Variants in ANKRD12 observed in about 807,000 individuals in gnomAD.
The protein encoded by ANKRD12 is ankyrin repeat domain 12.
In ANKRD12, 85 loss-of-function variants were observed where a neutral mutation model predicts 183.4. That is an observed-to-expected ratio of 0.46 (90% CI 0.39 to 0.56). The LOEUF is 0.56. Among genes scored for constraint, ANKRD12 ranks in the 20% least tolerant of loss-of-function variants. The pLI is 0.00. For synonymous variants in ANKRD12, 914 were observed against 800.2 expected, an observed-to-expected ratio of 1.14 and a Z score of -2.40; for missense variants, 2,405 against 2,357.1, an observed-to-expected ratio of 1.02 and a Z score of -0.42.
chr18:9,258,579 T>C lies in ANKRD12; in HGVS notation c.5312T>C (p.Ile1771Thr). 6.2e-7 allele frequency: 1 copy of C among 1,613,846 alleles called. No individual in the cohort carries two copies. The highest frequency in any genetic ancestry group is 8.5e-7 in the Non-Finnish European group (1 of 1,179,908). The stretch of plus-strand genomic sequence containing the variant: ...GAATCCTCATCTCCTAGAGGAAGAA[T>C]AAGATTAACTGAAGATGACGATCCT... ...DSESSSPRGRIRLTEDDDPQI... is the reference protein window; with the variant it reads ...DSESSSPRGRTRLTEDDDPQI... Residue 1771 changes from isoleucine to threonine, a missense_variant, in exon 9 of 13, where the codon ATA becomes ACA. By Grantham distance (89) the Ile-to-Thr change is moderately conservative. Transcript: ENST00000262126.
intron 10 of ANKRD12, among the ~76,000 whole-genome samples, chr18:9,271,749 A>G (rs751852704): frequency 6.6e-5 from 10 of 152,234 alleles, no homozygotes; most frequent in Non-Finnish European, 1.2e-4. Flanking sequence ...TGTGATTTCT[A>G]TGAATGACAA....
chr18:9,157,550 GGTGTGTGTGTGTGTGTGTGTGTGTGT>G (rs71168037), intron 1 of ANKRD12, among the ~76,000 whole-genome samples: 1 of 114,598 alleles, frequency 8.7e-6, no homozygotes, highest in Non-Finnish European at 1.7e-5. Context: ...GGTGTGTGTG[GGTGTGTGTGTGTGTGTGTGTGTGTGT>G]GTGTGTGTGT....
intron 8 of ANKRD12, among the ~76,000 whole-genome samples, chr18:9,227,121 A>G (rs2036763327): frequency 6.6e-6 from 1 of 152,142 alleles, no homozygotes; most frequent in African/African-American, 2.4e-5. Context: ...ACTAAAATAT[A>G]TATGGTTTAG....
chr18:9,267,207 A>C (rs552013803), intron 10 of ANKRD12, among the ~76,000 whole-genome samples: 1 of 152,354 alleles, frequency 6.6e-6, no homozygotes, highest in South Asian at 2.1e-4. Flanking sequence ...AACATTAGAC[A>C]GATCAACGAG....
intron 1 of ANKRD12, among the ~76,000 whole-genome samples, chr18:9,148,848 C>A (rs1279407530): frequency 6.6e-6 from 1 of 152,140 alleles, no homozygotes; most frequent in East Asian, 1.9e-4. Flanking sequence ...TTTTTGTTAC[C>A]ATAAAGAACA....
intron 3 of ANKRD12, among the ~76,000 whole-genome samples, chr18:9,199,344 T>G (rs1294752554): frequency 6.6e-6 from 1 of 152,194 alleles, no homozygotes; most frequent in Non-Finnish European, 1.5e-5. Context: ...TATGTGCTAT[T>G]TGCATTAAAA....
chr18:9,213,182 G>GTC (rs2035903552), intron 6 of ANKRD12, among the ~76,000 whole-genome samples: 2 of 151,678 alleles, frequency 1.3e-5, no homozygotes, highest in East Asian at 3.9e-4. Flanking sequence ...TTCAAATTTG[G>GTC]TTTCTGTTTT....
rs375909425 is a variant in ANKRD12 at position 9,255,135 on chromosome 18, A to G, written c.1868A>G (p.Lys623Arg). ...GAATTTGGTGAAAAATCAAATGCCA[A>G]AATAAAGGATGAAGATCATAGTCCA... ...HLEFGEKSNA[K>R]IKDEDHSPTF... is the part of the protein sequence containing the mutation. Residue 623 changes from lysine to arginine, a missense_variant, in exon 9 of 13, where the codon AAA becomes AGA. Physicochemically the swap from Lys to Arg is conservative, Grantham distance 26 (BLOSUM62 2). Around this residue, in one of 7 missense-constraint regions of ANKRD12, gnomAD observed 1,983 missense variants for 1,725.9 expected, o/e 1.15. Transcript: ENST00000262126. 1.1e-5 allele frequency: 18 copies of G among 1,584,386 alleles called. No homozygotes were observed. The highest frequency in any genetic ancestry group is 3.4e-4 in the Middle Eastern group (2 of 5,936).
chr18:9,208,873 C>A, intron 5 of ANKRD12, 70 bp downstream of exon 5: 1 of 1,338,486 alleles, frequency 7.5e-7, no homozygotes, highest in Non-Finnish European at 9.9e-7. Flanking sequence ...CTCGTCTTAA[C>A]AATTATTTTA....
chr18:9,186,843 C>T (rs1019498754), intron 2 of ANKRD12, among the ~76,000 whole-genome samples: 9 of 151,284 alleles, frequency 5.9e-5, no homozygotes, highest in African/African-American at 2.2e-4. Context: ...GCTCCACCTC[C>T]TGGGTTCACG....
chr18:9,264,468 T>TA (rs1415794333), intron 10 of ANKRD12, among the ~76,000 whole-genome samples: 2 of 152,214 alleles, frequency 1.3e-5, no homozygotes, highest in Non-Finnish European at 2.9e-5. Flanking sequence ...AATATATACA[T>TA]ACTCATATGC....
intron 8 of ANKRD12, among the ~76,000 whole-genome samples, chr18:9,235,098 TG>T (rs1203908171): frequency 1.3e-5 from 2 of 151,130 alleles, no homozygotes; most frequent in Non-Finnish European, 3.0e-5. Context: ...CTGGAGAGGG[TG>T]GGTGTCTGAT....
At chr18:9,138,984 T>G (rs780705442) in intron 1 of ANKRD12, among the ~76,000 whole-genome samples, 37 of 152,234 alleles carry the variant, frequency 2.4e-4, no homozygotes, top group Non-Finnish European at 4.3e-4. Flanking sequence ...TTAAGTGTAC[T>G]TATGTAGGAT....
At chr18:9,207,132 C>T (rs2035533132) in intron 4 of ANKRD12, among the ~76,000 whole-genome samples, 2 of 151,838 alleles carry the variant, frequency 1.3e-5, no homozygotes, top group African/African-American at 4.8e-5. Flanking sequence ...TACTAGAGAA[C>T]CAAGATATGC....
intron 1 of ANKRD12, among the ~76,000 whole-genome samples, chr18:9,154,097 G>A (rs2030013802): frequency 1.3e-5 from 2 of 152,008 alleles, no homozygotes; most frequent in Non-Finnish European, 2.9e-5. Flanking sequence ...CAAGCAGGGC[G>A]GTGATATAAT....
chr18:9,255,798 A>G lies in ANKRD12; in HGVS notation c.2531A>G (p.Glu844Gly), dbSNP rs368245263. Residue 844 changes from glutamate to glycine, a missense_variant, in exon 9 of 13, where the codon GAA becomes GGA. Glu to Gly is a moderately conservative substitution (Grantham distance 98). Around this residue, in one of 7 missense-constraint regions of ANKRD12, gnomAD observed 1,983 missense variants for 1,725.9 expected, o/e 1.15. Transcript: ENST00000262126. ...EKMERKTFEKEKKIKHEHKSE... is the reference protein window; with the variant it reads ...EKMERKTFEKGKKIKHEHKSE... ...ATGGAAAGAAAAACCTTTGAAAAAG[A>G]AAAGAAGATAAAACATGAGCATAAG... is the stretch of plus-strand genomic sequence containing the variant. 2.5e-6 allele frequency: 4 copies of G among 1,575,450 alleles called. No individual in the cohort carries two copies. Among genetic ancestry groups the G allele is most frequent in the Non-Finnish European group, 3.4e-6 (4 of 1,169,908 alleles).
intron 8 of ANKRD12, among the ~76,000 whole-genome samples, chr18:9,241,347 A>C (rs1366058114): frequency 6.6e-6 from 1 of 152,166 alleles, no homozygotes; most frequent in East Asian, 1.9e-4. Flanking sequence ...TGTAAATAGT[A>C]TTTTATTTTT....
At chr18:9,140,816 C>G (rs191703910) in intron 1 of ANKRD12, among the ~76,000 whole-genome samples, 4 of 151,814 alleles carry the variant, frequency 2.6e-5, no homozygotes, top group Non-Finnish European at 4.4e-5. Flanking sequence ...TTTTTATAGT[C>G]TTGAAAATAA....
rs2038482340 is a variant in ANKRD12 at position 9,254,456 on chromosome 18, C to A, written c.1189C>A (p.His397Asn). ...AAATGAACCTGAAGCAGAAAAAACT[C>A]ATTTATTTGCAAAACAGGAGAAAGC... ...KENEPEAEKT[H>N]LFAKQEKAFY... Residue 397 changes from histidine (H) to asparagine (N), a missense_variant, in exon 9 of 13, where the codon CAT becomes AAT. Around this residue, in one of 7 missense-constraint regions of ANKRD12, gnomAD observed 1,983 missense variants for 1,725.9 expected, o/e 1.15. Transcript: ENST00000262126. 2 of 1,566,680 alleles carry A rather than the reference C, an allele frequency of 1.3e-6. No homozygotes were observed. Among genetic ancestry groups the A allele is most frequent in the African/African-American group, 1.4e-5 (1 of 72,200 alleles).
Sources: gnomAD v4.1 joint callset for allele counts (sites outside exome capture counted in the v4.1 genomes callset) on GRCh38, gnomAD v4.1.1 for gene constraint, gnomAD v4.1.1 regional missense constraint, MANE v1.5 for transcripts, NCBI Gene and HGNC (gene_info 2026-07-23, HGNC 2026-07-21) for gene names.